RAB27A: variants seen among roughly 807,000 people sequenced by gnomAD.
RAB27A encodes the protein ras-related protein Rab-27A.
RAB27A carries 17 observed loss-of-function variants against 20.8 expected under a neutral mutation model. The observed-to-expected ratio is 0.82, with a 90% CI of 0.56 to 1.23. The LOEUF (loss-of-function observed/expected upper bound fraction) is 1.23. Among genes scored for constraint, RAB27A ranks in the 50% most tolerant of loss-of-function variants. The probability of loss-of-function intolerance (pLI) is 0.00; values close to 1 mark genes in which losing one functional copy is unlikely to be tolerated. For synonymous variants in RAB27A, 85 were observed against 92.8 expected, an observed-to-expected ratio of 0.92 and a Z score of 0.48; for missense variants, 277 against 266.7, an observed-to-expected ratio of 1.04 and a Z score of -0.27.
At chr15:55,275,262 A>C (rs117335696) in intron 1 of RAB27A, among the ~76,000 whole-genome samples, 8,307 of 151,770 alleles carry the variant, frequency 0.055, 292 homozygotes, top group Admixed American at 0.078. Flanking sequence ...ACAACAACAA[A>C]AAAAAAAAGA....
In RAB27A at chr15:55,205,417, G is replaced by A. The variant is rs1894592233; in HGVS notation, c.*90C>T. The A allele has an allele frequency of 3.8e-6, 5 of 1,316,048 alleles. No individual in the cohort carries two copies. The highest frequency in any genetic ancestry group is 2.9e-5 in the African/African-American group (2 of 68,124). 81.5% of individuals were successfully genotyped at this position (1,316,048 alleles called of 1,614,324 possible). A position where few individuals can be genotyped will look rare whatever the true frequency, so the allele number is the denominator to read the frequency against. On this transcript the variant is annotated 3_prime_UTR_variant, in exon 7 of 7. Coordinates refer to ENST00000336787, the MANE Select transcript of RAB27A (RefSeq NM_183235.3). ...TGGTGAGAAGCAATTTGTACACAAT[G>A]CCCATTAATCTCTCACTGTGCCATG...
intron 6 of RAB27A, among the ~76,000 whole-genome samples, chr15:55,210,427 A>AGG (rs372952364): frequency 2.6e-5 from 3 of 115,832 alleles, no homozygotes; most frequent in African/African-American, 1.0e-4. Context: ...TTTTTTTTTG[A>AGG]GGGGGGGGGA....
intron 2 of RAB27A, among the ~76,000 whole-genome samples, chr15:55,306,809 C>CA (rs2141144724): frequency 6.6e-6 from 1 of 152,110 alleles, no homozygotes; most frequent in African/African-American, 2.4e-5. Flanking sequence ...CCTACAGTGG[C>CA]ATGGAGAGGG....
At chr15:55,263,551 C>A (rs959144503) in intron 2 of RAB27A, among the ~76,000 whole-genome samples, 1 of 152,134 alleles carries the variant, frequency 6.6e-6, no homozygotes, top group Non-Finnish European at 1.5e-5. Context: ...CACTTGGGTT[C>A]CCCCATTTAA....
intron 2 of RAB27A, among the ~76,000 whole-genome samples, chr15:55,300,604 G>T (rs186201208): frequency 6.6e-6 from 1 of 152,168 alleles, no homozygotes; most frequent in Non-Finnish European, 1.5e-5. Flanking sequence ...GCTTGAACCC[G>T]GGAGGTGGAG....
intron 2 of RAB27A, among the ~76,000 whole-genome samples, chr15:55,303,568 T>G (rs1321983406): frequency 2.6e-4 from 10 of 39,138 alleles, no homozygotes; most frequent in African/African-American, 4.4e-4. Flanking sequence ...GGTGGGGGGG[T>G]CGGCCCCCCG....
chr15:55,225,081 T>C (rs1394853352), intron 5 of RAB27A, among the ~76,000 whole-genome samples: 1 of 152,222 alleles, frequency 6.6e-6, no homozygotes, highest in East Asian at 1.9e-4. Context: ...CTTTCTTTCC[T>C]CCAGGTTGTT....
intron 2 of RAB27A, among the ~76,000 whole-genome samples, chr15:55,243,476 G>C (rs1278010183): frequency 6.6e-6 from 1 of 151,976 alleles, no homozygotes; most frequent in Non-Finnish European, 1.5e-5. Context: ...CCAACATGGT[G>C]AAACGCTGTC....
At chr15:55,316,873 G>A (rs1374877990) in intron 1 of RAB27A, among the ~76,000 whole-genome samples, 1 of 152,112 alleles carries the variant, frequency 6.6e-6, no homozygotes, top group East Asian at 1.9e-4. Flanking sequence ...GATGAAAAAC[G>A]GCTGGGATTG....
At chr15:55,245,825 C>A (rs1396079509) in intron 2 of RAB27A, among the ~76,000 whole-genome samples, 1 of 152,120 alleles carries the variant, frequency 6.6e-6, no homozygotes, top group Non-Finnish European at 1.5e-5. Flanking sequence ...ATATACATTT[C>A]TGGGCCGGGC....
At chr15:55,267,131 C>G (rs1897522520) in intron 2 of RAB27A, among the ~76,000 whole-genome samples, 1 of 152,148 alleles carries the variant, frequency 6.6e-6, no homozygotes, top group Non-Finnish European at 1.5e-5. Context: ...TGGTCTGGGC[C>G]TTCTCCGTGT....
chr15:55,246,332 A>G (rs1159194451), intron 2 of RAB27A, among the ~76,000 whole-genome samples: 3 of 152,180 alleles, frequency 2.0e-5, no homozygotes, highest in African/African-American at 7.2e-5. Flanking sequence ...AAACAACTGT[A>G]TGTTAGGAAA....
At chr15:55,264,205 C>T (rs1275429010) in intron 2 of RAB27A, among the ~76,000 whole-genome samples, 1 of 152,108 alleles carries the variant, frequency 6.6e-6, no homozygotes, top group Non-Finnish European at 1.5e-5. Context: ...CATGCACCAC[C>T]ACATCCGGTT....
At chr15:55,318,821 T>A (rs1363659726) in intron 1 of RAB27A, 1 of 161,054 alleles carries the variant, frequency 6.2e-6, no homozygotes, top group Non-Finnish European at 1.4e-5. Context: ...ATCCCTACCC[T>A]GCCTACCTCG....
upstream of RAB27A, among the ~76,000 whole-genome samples, chr15:55,292,474 C>T (rs556395114): frequency 1.8e-4 from 27 of 152,250 alleles, 1 homozygote; most frequent in African/African-American, 5.8e-4. Flanking sequence ...GATCTGATTA[C>T]GGCAGTGGCC....
At chr15:55,261,267 G>T (rs1897257826) in intron 2 of RAB27A, among the ~76,000 whole-genome samples, 1 of 151,488 alleles carries the variant, frequency 6.6e-6, no homozygotes, top group Admixed American at 6.6e-5. Flanking sequence ...CGCGGTGGCA[G>T]GCACCTGTAA....
intron 6 of RAB27A, among the ~76,000 whole-genome samples, chr15:55,213,057 C>T (rs987911095): frequency 4.6e-5 from 7 of 152,168 alleles, no homozygotes. Flanking sequence ...CCATGAAAGT[C>T]GTGATAACAT....
chr15:55,262,297 T>G (rs975520052), intron 2 of RAB27A, among the ~76,000 whole-genome samples: 2 of 152,056 alleles, frequency 1.3e-5, no homozygotes, highest in Non-Finnish European at 2.9e-5. Flanking sequence ...ATCCTAGCAA[T>G]TTGGGAGGCC....
At chr15:55,235,091 T>C (rs1896201194) in intron 2 of RAB27A, 135 bp from the exon 3 acceptor site, 1 of 711,186 alleles carries the variant, frequency 1.4e-6, no homozygotes, top group Non-Finnish European at 2.4e-6. Context: ...AAAAGAGAGT[T>C]ACATACATAT....
Sources: gnomAD v4.1 joint callset for allele counts (sites outside exome capture counted in the v4.1 genomes callset) on GRCh38, gnomAD v4.1.1 for gene constraint, MANE v1.5 for transcripts, NCBI Gene and HGNC (gene_info 2026-07-23, HGNC 2026-07-21) for gene names.